ARID5B: variants seen among roughly 807,000 people sequenced by gnomAD.
The protein encoded by ARID5B is AT-rich interaction domain 5B.
Under a neutral mutation model 97.2 loss-of-function variants are expected in ARID5B, and 13 were observed. The observed-to-expected ratio is 0.13, with a 90% CI of 0.09 to 0.21. ARID5B has a LOEUF of 0.21. Ranked by LOEUF, ARID5B falls within the 10% of genes least tolerant of loss-of-function variation. The probability of loss-of-function intolerance (pLI) is 1.00; values close to 1 mark genes in which losing one functional copy is unlikely to be tolerated. For synonymous variants in ARID5B, 556 were observed against 570.3 expected (o/e 0.97, Z 0.36); for missense variants, 1,210 against 1,465.3 (o/e 0.83, Z 2.84).
chr10:62,085,810 A>C lies in ARID5B; in HGVS notation c.1308A>C (p.Thr436=), dbSNP rs377368458. 11 of 1,614,072 alleles carry C rather than the reference A, an allele frequency of 6.8e-6. No homozygotes were observed. The African/African-American group carries it at 1.2e-4, about 18-fold the overall frequency. Reference sequence around the variant, plus strand: ...GTTCACAGGAAAATGAGAACAAAACAAAAGTATCTGGAACCAAACGCATCA... The same window carrying C: ...GTTCACAGGAAAATGAGAACAAAACCAAAGTATCTGGAACCAAACGCATCA... ...ENSSQENENK[T]KVSGTKRIKH... is the part of the protein sequence containing the mutation. Residue 436 remains threonine (T), a synonymous_variant, in exon 9 of 10, where the codon ACA becomes ACC. Coordinates refer to ENST00000279873, the MANE Select transcript of ARID5B (RefSeq NM_032199.3).
chr10:62,063,405 AT>A (rs1247586476), intron 7 of ARID5B, among the ~76,000 whole-genome samples: 1 of 152,040 alleles, frequency 6.6e-6, no homozygotes, highest in African/African-American at 2.4e-5. Flanking sequence ...GGCCATCTTA[AT>A]TGGCTTGTTT....
At chr10:61,950,306 C>T (rs148841801) in intron 3 of ARID5B, among the ~76,000 whole-genome samples, 4 of 152,068 alleles carry the variant, frequency 2.6e-5, no homozygotes, top group Admixed American at 6.6e-5. Flanking sequence ...ATGCCTGGCC[C>T]GGACCATCAT....
In ARID5B at chr10:62,093,612, A is replaced by G. The variant is rs1010639273; in HGVS notation, c.*582A>G. On this transcript the variant is annotated 3_prime_UTR_variant, in exon 10 of 10. Coordinates refer to ENST00000279873, the MANE Select transcript of ARID5B (RefSeq NM_032199.3). Reference sequence around the variant, plus strand: ...GTATCACTGTTTGCTCACCTAATTTATATACAGGTAGTTCCATTTTCTCCC... The same window carrying G: ...GTATCACTGTTTGCTCACCTAATTTGTATACAGGTAGTTCCATTTTCTCCC... The G allele has an allele frequency of 5.2e-6, 1 of 193,044 alleles. No individual in the cohort carries two copies. Among genetic ancestry groups the G allele is most frequent in the African/African-American group, 3.0e-5 (1 of 33,468 alleles). 12.0% of individuals were successfully genotyped at this position (193,044 alleles called of 1,614,324 possible).
Position 62,095,177 on chromosome 10 carries a change from A to T in ARID5B, c.*2147A>T, listed in dbSNP as rs1336252371. 1.3e-5 allele frequency: 3 copies of T among 232,968 alleles called. No homozygotes were observed. The Admixed American group carries it at 1.7e-4, about 13-fold the overall frequency. 14.4% of individuals were successfully genotyped at this position (232,968 alleles called of 1,614,324 possible). A position where few individuals can be genotyped will look rare whatever the true frequency, so the allele number is the denominator to read the frequency against. On this transcript the variant is annotated 3_prime_UTR_variant, in exon 10 of 10. Coordinates refer to ENST00000279873, the MANE Select transcript of ARID5B (RefSeq NM_032199.3). ...GATTATAAATGTGTGAGTGCAGATT[A>T]TCCTGCTATTGCACAAGCTAGAGGG...
At chr10:61,991,247 A>G (rs952820086) in intron 3 of ARID5B, among the ~76,000 whole-genome samples, 30 of 152,320 alleles carry the variant, frequency 2.0e-4, no homozygotes, top group African/African-American at 7.0e-4. Context: ...GCAATTCTGT[A>G]TATAAATTTT....
intron 7 of ARID5B, among the ~76,000 whole-genome samples, chr10:62,063,141 T>C (rs1839943265): frequency 6.6e-6 from 1 of 152,220 alleles, no homozygotes; most frequent in African/African-American, 2.4e-5. Context: ...ATTTAACATT[T>C]GTAGCTTCTT....
At chr10:61,936,858 A>G (rs1162079602) in intron 2 of ARID5B, among the ~76,000 whole-genome samples, 1 of 146,236 alleles carries the variant, frequency 6.8e-6, no homozygotes, top group Non-Finnish European at 1.5e-5. Flanking sequence ...AAAAAAAAAA[A>G]AAAAAGAAAG....
At chr10:62,056,396 T>C (rs1007116944) in intron 5 of ARID5B, among the ~76,000 whole-genome samples, 3 of 152,156 alleles carry the variant, frequency 2.0e-5, no homozygotes, top group Non-Finnish European at 4.4e-5. Context: ...TGTTTCCTAC[T>C]GAGGGTGTAC....
intron 7 of ARID5B, among the ~76,000 whole-genome samples, chr10:62,067,640 A>G (rs1297610961): frequency 6.6e-6 from 1 of 152,236 alleles, no homozygotes; most frequent in Non-Finnish European, 1.5e-5. Context: ...AGCATGGGCT[A>G]TTCTCAGGTC....
At chr10:61,958,785 G>A (rs1838429351) in intron 3 of ARID5B, among the ~76,000 whole-genome samples, 1 of 152,216 alleles carries the variant, frequency 6.6e-6, no homozygotes, top group Non-Finnish European at 1.5e-5. Flanking sequence ...TCTCCGATAA[G>A]TGCATAGTGG....
At chr10:61,960,867 A>C (rs1838460910) in intron 3 of ARID5B, among the ~76,000 whole-genome samples, 1 of 152,276 alleles carries the variant, frequency 6.6e-6, no homozygotes, top group Non-Finnish European at 1.5e-5. Flanking sequence ...AGTCTGGCAG[A>C]CATAGACTAG....
chr10:61,996,750 G>A (rs1564623247), intron 3 of ARID5B, among the ~76,000 whole-genome samples: 2 of 152,032 alleles, frequency 1.3e-5, no homozygotes, highest in East Asian at 3.9e-4. Flanking sequence ...AGTTAAGAGG[G>A]CTTTTAAAAT....
At chr10:62,089,528 CTTTTTT>C (rs34423923) in intron 9 of ARID5B, among the ~76,000 whole-genome samples, 1 of 101,546 alleles carries the variant, frequency 9.8e-6, no homozygotes, top group African/African-American at 3.9e-5. Context: ...CCTTCTTTTT[CTTTTTT>C]TTTTTTTTTT....
chr10:61,962,028 C>T (rs879737727), intron 3 of ARID5B, among the ~76,000 whole-genome samples: 46 of 152,202 alleles, frequency 3.0e-4, no homozygotes, highest in African/African-American at 4.3e-4. Flanking sequence ...GGATTACAGG[C>T]GTGAGCCATC....
chr10:61,948,491 C>T (rs1210063741), intron 3 of ARID5B, among the ~76,000 whole-genome samples: 4 of 149,978 alleles, frequency 2.7e-5, no homozygotes, highest in Admixed American at 6.7e-5. Flanking sequence ...CTCAGCCTCC[C>T]GAGTAGCTGG....
intron 8 of ARID5B, among the ~76,000 whole-genome samples, chr10:62,083,333 C>G (rs528883608): frequency 6.9e-6 from 1 of 144,538 alleles, no homozygotes; most frequent in South Asian, 2.2e-4. Context: ...AAAAAGGAAC[C>G]GAAATGAGAA....
chr10:61,936,057 A>T (rs2132789955), intron 2 of ARID5B, among the ~76,000 whole-genome samples: 1 of 152,356 alleles, frequency 6.6e-6, no homozygotes, highest in Admixed American at 6.5e-5. Context: ...ACCATCTGAA[A>T]TGGTCTCAGA....
At chr10:62,040,212 T>C (rs1457878246) in intron 4 of ARID5B, among the ~76,000 whole-genome samples, 1 of 152,206 alleles carries the variant, frequency 6.6e-6, no homozygotes, top group Non-Finnish European at 1.5e-5. Flanking sequence ...ACATCTTAGT[T>C]AAGAAAGTTA....
intron 3 of ARID5B, among the ~76,000 whole-genome samples, chr10:61,945,683 T>A (rs957734761): frequency 6.6e-6 from 1 of 152,208 alleles, no homozygotes; most frequent in Admixed American, 6.5e-5. Flanking sequence ...CTGTTTCTCA[T>A]TGGATTTTTG....
Sources: gnomAD v4.1 joint callset for allele counts (sites outside exome capture counted in the v4.1 genomes callset) on GRCh38, gnomAD v4.1.1 for gene constraint, MANE v1.5 for transcripts, NCBI Gene and HGNC (gene_info 2026-07-23, HGNC 2026-07-21) for gene names.